GRAMD1C: variants seen among roughly 807,000 people sequenced by gnomAD.
The protein encoded by GRAMD1C is GRAM domain containing 1C.
GRAMD1C carries 89 observed loss-of-function variants against 97.8 expected under a neutral mutation model. The observed-to-expected ratio is 0.91, with a 90% confidence interval of 0.77 to 1.09. The LOEUF (loss-of-function observed/expected upper bound fraction) is 1.09. Ranked by LOEUF, GRAMD1C falls within the 50% of genes least tolerant of loss-of-function variation. The pLI is 0.00. For synonymous variants in GRAMD1C, 256 were observed against 267.0 expected (o/e 0.96, Z 0.40); for missense variants, 740 against 766.4 (o/e 0.97, Z 0.41).
intron 8 of GRAMD1C, among the ~76,000 whole-genome samples, chr3:113,908,317 T>C (rs111633841): frequency 1.2e-3 from 182 of 152,340 alleles, no homozygotes; most frequent in African/African-American, 4.2e-3. Context: ...AAATTTATTA[T>C]AGAGATGACA....
intron 10 of GRAMD1C, chr3:113,919,111 C>T (rs1936941281): frequency 5.5e-6 from 1 of 183,034 alleles, no homozygotes; most frequent in Non-Finnish European, 1.2e-5. Context: ...AAATGACTAC[C>T]ACTGGATCTA....
At chr3:113,830,632 G>A (rs950163891) in intron 1 of GRAMD1C, among the ~76,000 whole-genome samples, 2 of 152,204 alleles carry the variant, frequency 1.3e-5, no homozygotes, top group Non-Finnish European at 2.9e-5. Context: ...AGAAGTATTT[G>A]TGTATCCAAA....
rs1934660852 is a variant in GRAMD1C at position 113,868,277 on chromosome 3, T to TG, written c.175-1226dup. Among the ~76,000 whole-genome samples, 3 of 152,180 alleles carry TG rather than the reference T, an allele frequency of 2.0e-5. No individual in the cohort carries two copies. In the South Asian group the frequency reaches 6.2e-4, roughly 31 times the overall value. ...ATCTTTGTCTGCAAAATTCAATGTCTGGGGACCCTCAAAGGCTATTTCTGT... is the reference window on the plus strand; with the variant it reads ...ATCTTTGTCTGCAAAATTCAATGTCTGGGGGACCCTCAAAGGCTATTTCTGT... On this transcript the variant is annotated intron_variant, in intron 2 of 17. Transcript: ENST00000358160.
In GRAMD1C at chr3:113,882,758, T is replaced by C. The variant is rs201025449; in HGVS notation, c.466T>C (p.Phe156Leu). The change falls in exon 6 of 18, where the codon TTC (phenylalanine) becomes CTC (leucine). Residue 156 changes from phenylalanine to leucine, a missense_variant. Phe to Leu is a conservative substitution (Grantham distance 22). Transcript: ENST00000358160. ...QIVTESEKFF[F>L]TSFGARDRSY... ...CTATTATTTTTCTTTGCAGTTTTTC[T>C]TCACATCTTTTGGTGCCAGGGATAG... The C allele has an allele frequency of 6.4e-7, 1 of 1,572,286 alleles. No individual in the cohort carries two copies.
At chr3:113,936,186 AAAAT>A (rs1325920372) in intron 13 of GRAMD1C, 76 bp from the exon 14 acceptor site, 2 of 790,456 alleles carry the variant, frequency 2.5e-6, no homozygotes, top group Admixed American at 5.9e-5. Context: ...AAAATTATCA[AAAAT>A]AACCACCAAA....
chr3:113,944,444 C>T (rs748863391), intron 17 of GRAMD1C, among the ~76,000 whole-genome samples: 17 of 152,270 alleles, frequency 1.1e-4, no homozygotes, highest in Non-Finnish European at 1.3e-4. Context: ...GACCTGAGCT[C>T]TAGACTCATA....
At chr3:113,844,752 G>C (rs1198994896) in intron 2 of GRAMD1C, 103 bp downstream of exon 2, 1 of 769,524 alleles carries the variant, frequency 1.3e-6, no homozygotes, top group East Asian at 2.8e-5. Flanking sequence ...TTAGCTTCTA[G>C]ATTTTAGATG....
intron 4 of GRAMD1C, 63 bp from the exon 5 acceptor site, chr3:113,876,102 C>G (rs1416527630): frequency 8.0e-6 from 6 of 752,486 alleles, no homozygotes; most frequent in Admixed American, 2.2e-5. Context: ...TGATGGGATA[C>G]TTGGCATTTT....
At chr3:113,903,694 C>T (rs747037100) in intron 7 of GRAMD1C, among the ~76,000 whole-genome samples, 4 of 151,706 alleles carry the variant, frequency 2.6e-5, no homozygotes, top group Non-Finnish European at 5.9e-5. Context: ...ACATCTTGAG[C>T]GTCCACTTCT....
chr3:113,943,214 G>A (rs1432141332), intron 17 of GRAMD1C, among the ~76,000 whole-genome samples: 2 of 152,146 alleles, frequency 1.3e-5, no homozygotes, highest in Non-Finnish European at 2.9e-5. Context: ...TAAAAAGAAT[G>A]TACCTTTTTT....
At position 113,853,792 on chromosome 3, in the gene GRAMD1C, G is replaced by A. The variant is rs1451474594; in HGVS notation, c.174+9143G>A. 2.0e-5 allele frequency among the ~76,000 whole-genome samples: 3 copies of A among 152,164 alleles called. No individual in the cohort carries two copies. In the East Asian group the frequency reaches 5.8e-4, roughly 29 times the overall value. ...ATGTAAAGGTGTAGAGAATAGCATG[G>A]GAGGGAGTAGCATTTTTAGTTAGGA... On this transcript the variant is annotated intron_variant, in intron 2 of 17. Coordinates refer to ENST00000358160, the MANE Select transcript of GRAMD1C (RefSeq NM_017577.5).
intron 2 of GRAMD1C, among the ~76,000 whole-genome samples, chr3:113,856,403 A>T (rs532744409): frequency 1.3e-5 from 2 of 152,228 alleles, no homozygotes; most frequent in South Asian, 4.1e-4. Flanking sequence ...TAGAATCAAG[A>T]TCGTTTTCAT....
In GRAMD1C at chr3:113,844,567, G is replaced by A; in HGVS notation, c.92G>A (p.Ser31Asn). The A allele has an allele frequency of 6.2e-7, 1 of 1,604,248 alleles. No homozygotes were observed. Among genetic ancestry groups the A allele is most frequent in the Non-Finnish European group, 8.5e-7 (1 of 1,172,778 alleles). Residue 31 changes from serine to asparagine, a missense_variant, in exon 2 of 18, where the codon AGT becomes AAT. By Grantham distance (46) the Ser-to-Asn change is conservative. Transcript: ENST00000358160. ...CAGGAAGATGTAGAGGAAAATCCTA[G>A]TCCAACTGTGGAAGAGAATAATGTG... is the stretch of plus-strand genomic sequence containing the variant. ...DLQEDVEENP[S>N]PTVEENNVVV...
At chr3:113,889,939 A>G (rs1259881470) in intron 6 of GRAMD1C, among the ~76,000 whole-genome samples, 1 of 152,014 alleles carries the variant, frequency 6.6e-6, no homozygotes, top group African/African-American at 2.4e-5. Context: ...CCCAGACAAG[A>G]AAGTTTCTTT....
chr3:113,890,676 G>A (rs1241557216), intron 6 of GRAMD1C: 7 of 678,654 alleles, frequency 1.0e-5, no homozygotes, highest in Non-Finnish European at 1.6e-5. Context: ...TTCTAGCAAG[G>A]CACCAGCGAC....
chr3:113,915,973 T>G, intron 10 of GRAMD1C, 135 bp downstream of exon 10: 2 of 662,118 alleles, frequency 3.0e-6, no homozygotes, highest in Non-Finnish European at 5.2e-6. Context: ...TGACAGTATA[T>G]AAACTGGTAT....
rs1234555840 is a variant in GRAMD1C at position 113,849,599 on chromosome 3, A to G, written c.174+4950A>G. 3.9e-5 allele frequency among the ~76,000 whole-genome samples: 6 copies of G among 152,212 alleles called. No homozygotes were observed. In the East Asian group the frequency reaches 1.2e-3, roughly 29 times the overall value. ...GGACACAGCACATGTTTCAGAGAGCACAGGGTTGGGGGTAAGGTCACAGAT... is the reference window on the plus strand; with the variant it reads ...GGACACAGCACATGTTTCAGAGAGCGCAGGGTTGGGGGTAAGGTCACAGAT... On this transcript the variant is annotated intron_variant, in intron 2 of 17. Transcript: ENST00000358160.
At chr3:113,929,988 A>C (rs1937351884) in intron 10 of GRAMD1C, among the ~76,000 whole-genome samples, 1 of 152,166 alleles carries the variant, frequency 6.6e-6, no homozygotes, top group African/African-American at 2.4e-5. Context: ...AGAGTTTTTA[A>C]TGCTTTTATT....
intron 3 of GRAMD1C, among the ~76,000 whole-genome samples, chr3:113,871,176 A>G (rs1368084167): frequency 6.6e-6 from 1 of 152,172 alleles, no homozygotes; most frequent in Non-Finnish European, 1.5e-5. Flanking sequence ...ACTCATAGAG[A>G]AACTTCACAA....
Sources: allele counts gnomAD v4.1 joint callset (sites outside exome capture counted in the v4.1 genomes callset), GRCh38; gene constraint gnomAD v4.1.1; transcripts MANE v1.5; gene names NCBI Gene and HGNC (gene_info 2026-07-23, HGNC 2026-07-21).